The following PCSK5 variants were observed in gnomAD, a reference collection of about 807,000 sequenced individuals.
PCSK5 encodes proprotein convertase subtilisin/kexin type 5.
PCSK5 carries 129 observed loss-of-function variants against 233.2 expected under a neutral mutation model. That is an observed-to-expected ratio of 0.55 (90% CI 0.48 to 0.64). The LOEUF (loss-of-function observed/expected upper bound fraction) is 0.64. Among genes scored for constraint, PCSK5 ranks in the 30% least tolerant of loss-of-function variants. The pLI is 0.00. For synonymous variants in PCSK5, 825 were observed against 879.2 expected (o/e 0.94, Z 1.09); for missense variants, 2,076 against 2,430.1 (o/e 0.85, Z 3.06).
intron 24 of PCSK5, among the ~76,000 whole-genome samples, chr9:76,253,152 G>C (rs1826865902): frequency 6.6e-6 from 1 of 152,096 alleles, no homozygotes; most frequent in Non-Finnish European, 1.5e-5. Flanking sequence ...ATCATCCACT[G>C]TGTAGCCAAC....
intron 1 of PCSK5, among the ~76,000 whole-genome samples, chr9:75,906,411 G>C: frequency 6.6e-6 from 1 of 152,118 alleles, no homozygotes; most frequent in East Asian, 1.9e-4. Context: ...ATTTTTAGTA[G>C]AGATGGGGTT....
intron 24 of PCSK5, among the ~76,000 whole-genome samples, chr9:76,289,498 C>CAACAT (rs1554717452): frequency 7.6e-6 from 1 of 132,040 alleles, no homozygotes; most frequent in African/African-American, 3.0e-5. Flanking sequence ...CACACACACA[C>CAACAT]ACACACACAC....
Position 76,332,475 on chromosome 9 carries a change from A to G in PCSK5, c.4613A>G (p.Asp1538Gly). 6.2e-7 allele frequency: 1 copy of G among 1,612,732 alleles called. No individual in the cohort carries two copies. The highest frequency in any genetic ancestry group is 8.5e-7 in the Non-Finnish European group (1 of 1,179,748). Residue 1538 changes from aspartate to glycine, a missense_variant, in exon 34 of 38, where the codon GAT (aspartate) becomes GGT (glycine). This residue lies in a region of PCSK5 where 1,510 missense variants were observed against 1,538.1 expected (regional missense o/e 0.98). Coordinates refer to ENST00000674117, the MANE Select transcript of PCSK5 (RefSeq NM_001372043.1). ...GACTGCCCAGAGGGCTATTATGCCGATGAGGACAGCAACCGGTGTGCCCAC... is the reference window on the plus strand; with the variant it reads ...GACTGCCCAGAGGGCTATTATGCCGGTGAGGACAGCAACCGGTGTGCCCAC... ...VKDCPEGYYA[D>G]EDSNRCAHCH...
chr9:76,260,489 A>G (rs980857841), intron 24 of PCSK5, among the ~76,000 whole-genome samples: 1 of 152,220 alleles, frequency 6.6e-6, no homozygotes, highest in Non-Finnish European at 1.5e-5. Flanking sequence ...AGAAACCATC[A>G]CTGATAGCCG....
intron 8 of PCSK5, among the ~76,000 whole-genome samples, chr9:76,097,387 G>A (rs1185510116): frequency 6.7e-6 from 1 of 148,770 alleles, no homozygotes; most frequent in Non-Finnish European, 1.5e-5. Context: ...AGCCTCCCGA[G>A]TAGCTGGGAC....
intron 20 of PCSK5, among the ~76,000 whole-genome samples, chr9:76,200,836 C>T (rs565736602): frequency 3.9e-5 from 6 of 152,118 alleles, no homozygotes; most frequent in Non-Finnish European, 5.9e-5. Context: ...AAAGAACCTT[C>T]GCTGGACTGT....
At chr9:76,077,526 G>T in intron 7 of PCSK5, among the ~76,000 whole-genome samples, 1 of 152,098 alleles carries the variant, frequency 6.6e-6, no homozygotes, top group East Asian at 1.9e-4. Context: ...ATAGTACCCA[G>T]CAGCTAGTTT....
At chr9:75,991,064 T>G (rs1391252224) in intron 3 of PCSK5, among the ~76,000 whole-genome samples, 1 of 152,156 alleles carries the variant, frequency 6.6e-6, no homozygotes, top group African/African-American at 2.4e-5. Context: ...AGTGTTCCAG[T>G]GAGTTAATAA....
At chr9:75,976,884 G>T (rs1177397409) in intron 2 of PCSK5, among the ~76,000 whole-genome samples, 1 of 151,970 alleles carries the variant, frequency 6.6e-6, no homozygotes, top group East Asian at 1.9e-4. Context: ...GTAAGAGTTG[G>T]TTGACAGTCA....
chr9:76,068,697 C>G (rs1830374898), intron 6 of PCSK5, among the ~76,000 whole-genome samples: 1 of 152,124 alleles, frequency 6.6e-6, no homozygotes, highest in Non-Finnish European at 1.5e-5. Context: ...TTAACTTTCC[C>G]ATTTGTAATC....
intron 30 of PCSK5, among the ~76,000 whole-genome samples, chr9:76,311,407 G>GT (rs931240013): frequency 6.6e-5 from 10 of 151,494 alleles, no homozygotes; most frequent in African/African-American, 2.4e-4. Flanking sequence ...CTGATGTCAT[G>GT]TTTTTTTTCC....
At chr9:76,069,054 CA>C (rs1337322214) in intron 6 of PCSK5, among the ~76,000 whole-genome samples, 5 of 152,138 alleles carry the variant, frequency 3.3e-5, no homozygotes, top group African/African-American at 4.8e-5. Context: ...AATATTGGTC[CA>C]TAGTGCATTT....
intron 8 of PCSK5, among the ~76,000 whole-genome samples, chr9:76,100,826 T>C (rs956195309): frequency 6.6e-6 from 1 of 152,222 alleles, no homozygotes; most frequent in African/African-American, 2.4e-5. Context: ...GCTGAGTTGC[T>C]AGTTCCTATG....
chr9:76,284,120 G>GA (rs60078778), intron 24 of PCSK5, among the ~76,000 whole-genome samples: 74 of 135,800 alleles, frequency 5.4e-4, no homozygotes, highest in South Asian at 1.2e-3. Context: ...GGCTGCAAAA[G>GA]AAAAAAAAAA....
intron 2 of PCSK5, among the ~76,000 whole-genome samples, chr9:75,946,440 A>G (rs1587401704): frequency 6.6e-6 from 1 of 152,168 alleles, no homozygotes; most frequent in African/African-American, 2.4e-5. Context: ...GCTATTTTCT[A>G]ATGTTCATTC....
chr9:75,900,748 G>GT (rs1365054480), intron 1 of PCSK5, among the ~76,000 whole-genome samples: 2 of 126,130 alleles, frequency 1.6e-5, no homozygotes, highest in Non-Finnish European at 3.4e-5. Flanking sequence ...CACCCCATTT[G>GT]TTTTTTACCT....
intron 24 of PCSK5, among the ~76,000 whole-genome samples, chr9:76,248,755 C>G (rs1375240332): frequency 6.6e-6 from 1 of 152,162 alleles, no homozygotes; most frequent in Non-Finnish European, 1.5e-5. Context: ...ATGTGGTACT[C>G]AAGTAGATAA....
At chr9:75,935,023 T>G (rs1349512610) in intron 2 of PCSK5, among the ~76,000 whole-genome samples, 3 of 152,194 alleles carry the variant, frequency 2.0e-5, no homozygotes, top group African/African-American at 7.2e-5. Flanking sequence ...TTACCACACT[T>G]AGTTGATCAT....
At chr9:76,181,638 T>A in intron 16 of PCSK5, 47 bp downstream of exon 16, 1 of 1,399,244 alleles carries the variant, frequency 7.1e-7, no homozygotes, top group Non-Finnish European at 1.0e-6. Context: ...AATGTGGTGT[T>A]TTCATTTGAG....
Sources: gnomAD v4.1 joint callset for allele counts (sites outside exome capture counted in the v4.1 genomes callset) on GRCh38, gnomAD v4.1.1 for gene constraint, gnomAD v4.1.1 regional missense constraint, MANE v1.5 for transcripts, NCBI Gene and HGNC (gene_info 2026-07-23, HGNC 2026-07-21) for gene names.